TTC6: variants seen among roughly 807,000 people sequenced by gnomAD.
TTC6 encodes tetratricopeptide repeat domain 6.
A neutral mutation model predicts 210.4 loss-of-function variants in TTC6; 172 were observed. That is an observed-to-expected ratio of 0.82 (90% CI 0.72 to 0.93). TTC6 has a LOEUF of 0.93. Ranked by LOEUF, TTC6 falls within the 40% of genes least tolerant of loss-of-function variation. The pLI is 0.00. For synonymous variants in TTC6, 804 were observed against 819.6 expected (o/e 0.98, Z 0.32); for missense variants, 2,414 against 2,318.1 (o/e 1.04, Z -0.85).
At chr14:37,776,429 T>G (rs2096037776) in intron 14 of TTC6, among the ~76,000 whole-genome samples, 1 of 152,172 alleles carries the variant, frequency 6.6e-6, no homozygotes, top group South Asian at 2.1e-4. Flanking sequence ...TGTACTTAAG[T>G]GTGTTTTTGT....
At chr14:37,622,634 G>A in exon 1 of TTC6, 1 of 1,535,178 alleles carries the variant, frequency 6.5e-7, no homozygotes, top group South Asian at 1.2e-5. Flanking sequence ...AGAGCCAGGA[G>A]GTAGCTCCTC....
chr14:37,800,664 A>G (rs11849079), intron 20 of TTC6, among the ~76,000 whole-genome samples: 23,297 of 152,162 alleles, frequency 0.15, 1,992 homozygotes, highest in East Asian at 0.37. Flanking sequence ...GCTTAAGGGC[A>G]TTGTCCCTCA....
chr14:37,842,267 T>A (rs778204960), exon 31 of TTC6: 1 of 1,605,824 alleles, frequency 6.2e-7, no homozygotes, highest in Non-Finnish European at 8.5e-7. Context: ...CACTTGATCT[T>A]GAAGACTATG....
At chr14:37,724,186 G>T (rs1566911220) in intron 6 of TTC6, among the ~76,000 whole-genome samples, 1 of 151,576 alleles carries the variant, frequency 6.6e-6, no homozygotes, top group Non-Finnish European at 1.5e-5. Flanking sequence ...TTAAATTAAG[G>T]CCTTTTGTAC....
chr14:37,751,747 T>C (rs2095952645), intron 13 of TTC6, among the ~76,000 whole-genome samples: 2 of 151,674 alleles, frequency 1.3e-5, no homozygotes, highest in African/African-American at 2.4e-5. Flanking sequence ...CAAATTATGG[T>C]AAGTACTATG....
chr14:37,746,277 T>A (rs897761828), intron 10 of TTC6, among the ~76,000 whole-genome samples: 2 of 152,170 alleles, frequency 1.3e-5, no homozygotes, highest in African/African-American at 4.8e-5. Context: ...TCAAGGGTAT[T>A]GTGCCCCCTC....
intron 9 of TTC6, 65 bp downstream of exon 11, chr14:37,737,799 C>T: frequency 8.3e-6 from 7 of 846,432 alleles, no homozygotes; most frequent in South Asian, 4.0e-5. Flanking sequence ...ATAATAATCA[C>T]CTTATTTTTT....
At chr14:37,786,405 G>C (rs1396931192) in intron 14 of TTC6, among the ~76,000 whole-genome samples, 3 of 152,238 alleles carry the variant, frequency 2.0e-5, no homozygotes, top group African/African-American at 7.2e-5. Flanking sequence ...AAGGCTCCGT[G>C]GGCGTGGGAC....
intron 14 of TTC6, among the ~76,000 whole-genome samples, chr14:37,755,422 C>G (rs1212739826): frequency 2.6e-5 from 4 of 152,144 alleles, no homozygotes; most frequent in Admixed American, 2.6e-4. Context: ...GTTGCCATTG[C>G]TTTTGGTGTT....
At chr14:37,795,229 C>A in intron 17 of TTC6, 41 bp from the exon 20 acceptor site, 3 of 1,357,000 alleles carry the variant, frequency 2.2e-6, no homozygotes, top group Non-Finnish European at 2.0e-6. Context: ...AGGAAGCAAT[C>A]GATGTTATTA....
chr14:37,779,204 G>C (rs940099483), intron 14 of TTC6, among the ~76,000 whole-genome samples: 10 of 152,120 alleles, frequency 6.6e-5, no homozygotes, highest in African/African-American at 2.4e-4. Context: ...GCCCCATGCA[G>C]GGTTCCCAAG....
chr14:37,661,246 C>T (rs1272380230), intron 1 of TTC6, among the ~76,000 whole-genome samples: 1 of 152,130 alleles, frequency 6.6e-6, no homozygotes, highest in Non-Finnish European at 1.5e-5. Context: ...ATGTCTTTGC[C>T]ATACAATCTT....
At chr14:37,654,452 G>A (rs958449616) in intron 1 of TTC6, among the ~76,000 whole-genome samples, 1 of 151,822 alleles carries the variant, frequency 6.6e-6, no homozygotes, top group Non-Finnish European at 1.5e-5. Flanking sequence ...TTTGGAATAT[G>A]GCATGGCTAC....
intron 14 of TTC6, among the ~76,000 whole-genome samples, chr14:37,754,154 G>A (rs2089682371): frequency 6.6e-6 from 1 of 152,038 alleles, no homozygotes; most frequent in Admixed American, 6.6e-5. Context: ...ATGTGACATG[G>A]TGGTTTGCTG....
chr14:37,713,877 A>G (rs2095848424), intron 5 of TTC6, among the ~76,000 whole-genome samples: 1 of 152,158 alleles, frequency 6.6e-6, no homozygotes, highest in African/African-American at 2.4e-5. Flanking sequence ...TCTTCCTATA[A>G]TAGTATATCA....
intron 26 of TTC6, among the ~76,000 whole-genome samples, chr14:37,818,406 C>T (rs1024866125): frequency 2.6e-5 from 4 of 151,928 alleles, no homozygotes; most frequent in Non-Finnish European, 4.4e-5. Context: ...ATTCAGCCTG[C>T]GAGGATTTTA....
intron 24 of TTC6, among the ~76,000 whole-genome samples, chr14:37,810,542 CAGAG>C (rs1189324094): frequency 6.6e-6 from 1 of 152,170 alleles, no homozygotes; most frequent in South Asian, 2.1e-4. Context: ...CCAAGTCACA[CAGAG>C]AGAGTTAGTG....
chr14:37,816,721 G>A (rs902794397), intron 25 of TTC6, among the ~76,000 whole-genome samples: 1 of 152,060 alleles, frequency 6.6e-6, no homozygotes, highest in Non-Finnish European at 1.5e-5. Flanking sequence ...ATATCATGCA[G>A]TTGACATGAT....
chr14:37,698,865 A>G (rs1018078073), intron 4 of TTC6, among the ~76,000 whole-genome samples: 6 of 152,176 alleles, frequency 3.9e-5, no homozygotes, highest in Non-Finnish European at 8.8e-5. Flanking sequence ...AGTTCTTATA[A>G]AGGCAAGGGT....
Sources: gnomAD v4.1 joint callset for allele counts (sites outside exome capture counted in the v4.1 genomes callset) on GRCh38, gnomAD v4.1.1 for gene constraint, MANE v1.5 for transcripts, NCBI Gene and HGNC (gene_info 2026-07-23, HGNC 2026-07-21) for gene names.